TMIGD3: variants seen among roughly 807,000 people sequenced by gnomAD.
TMIGD3 encodes transmembrane and immunoglobulin domain containing 3, also known as AD026 protein (AD026).
In TMIGD3, 21 loss-of-function variants were observed where a neutral mutation model predicts 28.1. That is an observed-to-expected ratio of 0.75 (90% confidence interval 0.53 to 1.08). The LOEUF (loss-of-function observed/expected upper bound fraction) is 1.08, where lower values mean the gene tolerates loss of function less well. Ranked by LOEUF, TMIGD3 falls within the 50% of genes least tolerant of loss-of-function variation. The pLI is 0.00. For synonymous variants in TMIGD3, 151 were observed against 162.1 expected (o/e 0.93, Z 0.52); for missense variants, 416 against 435.6 (o/e 0.96, Z 0.40).
chr1:111,512,278 A>G (rs542825170), intron 1 of TMIGD3, among the ~76,000 whole-genome samples: 2 of 152,346 alleles, frequency 1.3e-5, no homozygotes, highest in African/African-American at 4.8e-5. Flanking sequence ...ATTGATGTTC[A>G]GCTGCAGTGA....
chr1:111,509,769 C>T (rs1458012012), intron 1 of TMIGD3, among the ~76,000 whole-genome samples: 2 of 152,236 alleles, frequency 1.3e-5, no homozygotes, highest in Non-Finnish European at 2.9e-5. Context: ...TGATAAAATG[C>T]CAATTCACAT....
intron 1 of TMIGD3, among the ~76,000 whole-genome samples, chr1:111,529,049 A>G (rs11102299): frequency 0.011 from 1,717 of 152,122 alleles, 17 homozygotes; most frequent in South Asian, 0.029. Flanking sequence ...AATGAAAAAC[A>G]GTGGTGATAG....
chr1:111,556,459 T>C (rs1405809271), intron 1 of TMIGD3, among the ~76,000 whole-genome samples: 1 of 152,204 alleles, frequency 6.6e-6, no homozygotes, highest in African/African-American at 2.4e-5. Flanking sequence ...CCCATGTTTA[T>C]AGCAGCATTA....
chr1:111,502,081 ATAAAT>A (rs1372652855), intron 1 of TMIGD3, among the ~76,000 whole-genome samples: 1 of 119,850 alleles, frequency 8.3e-6, no homozygotes, highest in Admixed American at 1.1e-4. Context: ...ATATATTATA[ATAAAT>A]ATATATAGGA....
intron 1 of TMIGD3, among the ~76,000 whole-genome samples, chr1:111,533,416 A>G (rs1656519934): frequency 6.6e-6 from 1 of 152,262 alleles, no homozygotes; most frequent in Non-Finnish European, 1.5e-5. Context: ...AAAAAGTATA[A>G]AAGTATATAA....
intron 1 of TMIGD3, among the ~76,000 whole-genome samples, chr1:111,543,830 G>A (rs1656937038): frequency 6.6e-6 from 1 of 152,104 alleles, no homozygotes; most frequent in Non-Finnish European, 1.5e-5. Flanking sequence ...ATCCCAGGGT[G>A]GGCCATTTTG....
chr1:111,504,795 A>G (rs912251022), upstream of TMIGD3: 7 of 900,476 alleles, frequency 7.8e-6, no homozygotes, highest in African/African-American at 1.8e-5. Flanking sequence ...CTGCTCTGGC[A>G]TCATTCATTG....
intron 1 of TMIGD3, among the ~76,000 whole-genome samples, chr1:111,536,050 A>G (rs1194451214): frequency 1.3e-5 from 2 of 151,980 alleles, no homozygotes; most frequent in African/African-American, 4.8e-5. Flanking sequence ...AGTCCAGGAG[A>G]TGTGGCAAAA....
At chr1:111,493,136 A>G (rs1277834815) in intron 1 of TMIGD3, among the ~76,000 whole-genome samples, 1 of 152,198 alleles carries the variant, frequency 6.6e-6, no homozygotes, top group Non-Finnish European at 1.5e-5. Context: ...GATAACTACC[A>G]AACAGGATAA....
chr1:111,550,364 CT>C (rs1251693668), intron 1 of TMIGD3, among the ~76,000 whole-genome samples: 1 of 151,852 alleles, frequency 6.6e-6, no homozygotes, highest in Non-Finnish European at 1.5e-5. Context: ...CTTCCTTTTT[CT>C]TGCTTTGGGT....
chr1:111,529,172 T>C (rs932279546), intron 1 of TMIGD3, among the ~76,000 whole-genome samples: 1 of 151,850 alleles, frequency 6.6e-6, no homozygotes, highest in Non-Finnish European at 1.5e-5. Context: ...TATGAGATCA[T>C]GGGTATACTA....
upstream of TMIGD3, among the ~76,000 whole-genome samples, chr1:111,507,856 G>A (rs1359787999): frequency 1.3e-5 from 2 of 152,244 alleles, no homozygotes; most frequent in African/African-American, 4.8e-5. Flanking sequence ...GGTCAGCCCT[G>A]AAGGTGGCGC....
At chr1:111,520,673 C>G (rs1202884806) in intron 1 of TMIGD3, among the ~76,000 whole-genome samples, 1 of 152,120 alleles carries the variant, frequency 6.6e-6, no homozygotes, top group Non-Finnish European at 1.5e-5. Flanking sequence ...ATTCAGGAAT[C>G]CTGAAATCAA....
At chr1:111,541,593 A>G (rs1014664557) in intron 1 of TMIGD3, among the ~76,000 whole-genome samples, 38 of 152,142 alleles carry the variant, frequency 2.5e-4, no homozygotes, top group Admixed American at 2.4e-3. Flanking sequence ...TCTGGGAGAA[A>G]TGTCCATTTG....
At chr1:111,487,152 T>G (rs1184446093) in intron 3 of TMIGD3, among the ~76,000 whole-genome samples, 1 of 152,206 alleles carries the variant, frequency 6.6e-6, no homozygotes, top group East Asian at 1.9e-4. Context: ...ATACCCCCTC[T>G]GATAAGACGT....
chr1:111,497,422 A>G (rs1446144538), intron 1 of TMIGD3, among the ~76,000 whole-genome samples: 2 of 152,100 alleles, frequency 1.3e-5, no homozygotes, highest in Non-Finnish European at 2.9e-5. Flanking sequence ...TGTAACACTA[A>G]TCTCTAAACC....
chr1:111,490,846 T>C lies in TMIGD3; in HGVS notation c.351-84A>G. The C allele has an allele frequency of 2.1e-6, 2 of 955,064 alleles. 1 individual carries two copies. The allele number at this position is 955,064 out of a possible 1,614,324, so 59.2% of individuals were successfully genotyped here. A position where few individuals can be genotyped will look rare whatever the true frequency, so the allele number is the denominator to read the frequency against. On this transcript the variant is annotated intron_variant, in intron 1 of 5. Transcript: ENST00000369716. ...ACCAGTGAAAAGGGAAACAACCAGT[T>C]AGTCCAAGCAGTGCTGCCATGTATA...
In TMIGD3 at chr1:111,485,726, C is replaced by CAAAAACAACAA; in HGVS notation, c.973+13_973+14insTTGTTGTTTTT. The CAAAAACAACAA allele has an allele frequency of 1.2e-6, 1 of 850,660 alleles. No homozygotes were observed. Among genetic ancestry groups the CAAAAACAACAA allele is most frequent in the South Asian group, 1.4e-5 (1 of 71,818 alleles). 52.7% of individuals were successfully genotyped at this position (850,660 alleles called of 1,614,324 possible). A position where few individuals can be genotyped will look rare whatever the true frequency, so the allele number is the denominator to read the frequency against. On this transcript the variant is annotated intron_variant, in intron 5 of 5. Coordinates refer to ENST00000369716, the MANE Select transcript of TMIGD3 (RefSeq NM_020683.7). ...AATTCTTGCCCACCCCCTCCCTCAA[C>CAAAAACAACAA]AATAGCTACTTACCCCTTCTATTCC...
intron 1 of TMIGD3, among the ~76,000 whole-genome samples, chr1:111,560,333 G>A (rs1004214161): frequency 6.6e-6 from 1 of 151,826 alleles, no homozygotes; most frequent in Non-Finnish European, 1.5e-5. Flanking sequence ...GATGGTCCTG[G>A]TCTCATTTAT....
Sources: allele counts gnomAD v4.1 joint callset (sites outside exome capture counted in the v4.1 genomes callset), GRCh38; gene constraint gnomAD v4.1.1; transcripts MANE v1.5; gene names NCBI Gene and HGNC (gene_info 2026-07-23, HGNC 2026-07-21).